Variants in GIGYF2 observed in about 807,000 individuals in gnomAD.
GIGYF2 encodes GRB10 interacting GYF protein 2.
Under a neutral mutation model 208.1 loss-of-function variants are expected in GIGYF2, and 25 were observed. That is an observed-to-expected ratio of 0.12 (90% confidence interval 0.09 to 0.17). The LOEUF (loss-of-function observed/expected upper bound fraction) is 0.17, where lower values mean the gene tolerates loss of function less well. Among genes scored for constraint, GIGYF2 ranks in the 10% least tolerant of loss-of-function variants. The probability of loss-of-function intolerance (pLI) is 1.00; values close to 1 mark genes in which losing one functional copy is unlikely to be tolerated. For synonymous variants in GIGYF2, 534 were observed against 543.8 expected (o/e 0.98, Z 0.25); for missense variants, 1,302 against 1,579.4 (o/e 0.82, Z 2.98).
intron 2 of GIGYF2, among the ~76,000 whole-genome samples, chr2:232,707,130 G>A (rs1366349048): frequency 6.6e-6 from 1 of 152,090 alleles, no homozygotes; most frequent in Non-Finnish European, 1.5e-5. Flanking sequence ...AGGAGAAGGA[G>A]AAATGTTTAT....
At chr2:232,802,881 C>G (rs1404433192) in intron 14 of GIGYF2, among the ~76,000 whole-genome samples, 1 of 149,340 alleles carries the variant, frequency 6.7e-6, no homozygotes, top group Non-Finnish European at 1.5e-5. Flanking sequence ...CAGGGCAGGG[C>G]TTTCCTTTGT....
At chr2:232,700,967 G>A (rs147542665) in intron 1 of GIGYF2, among the ~76,000 whole-genome samples, 25 of 152,092 alleles carry the variant, frequency 1.6e-4, no homozygotes, top group Middle Eastern at 3.4e-3. Context: ...CTTATAGTTA[G>A]CATTGCAGTG....
chr2:232,800,608 C>T (rs1305533316), intron 14 of GIGYF2, among the ~76,000 whole-genome samples: 5 of 149,194 alleles, frequency 3.4e-5, no homozygotes, highest in East Asian at 2.0e-4. Flanking sequence ...TTTTTAAGAC[C>T]GGGTCTTGCT....
At chr2:232,836,281 TA>T (rs1701596914) in intron 22 of GIGYF2, among the ~76,000 whole-genome samples, 1 of 6,650 alleles carries the variant, frequency 1.5e-4, no homozygotes, top group South Asian at 1.8e-3. Flanking sequence ...TATATATATA[TA>T]TATATATATA....
chr2:232,756,981 T>A (rs928479422), intron 6 of GIGYF2, among the ~76,000 whole-genome samples: 1 of 152,230 alleles, frequency 6.6e-6, no homozygotes, highest in East Asian at 1.9e-4. Context: ...TGCTTAATCA[T>A]GTAGCTCTTA....
intron 2 of GIGYF2, among the ~76,000 whole-genome samples, chr2:232,719,989 C>A (rs1428886714): frequency 6.6e-6 from 1 of 152,064 alleles, no homozygotes; most frequent in Non-Finnish European, 1.5e-5. Context: ...TACATGTGCA[C>A]AACCTGCAGT....
chr2:232,746,893 G>A (rs1276708578), intron 3 of GIGYF2, among the ~76,000 whole-genome samples: 1 of 152,120 alleles, frequency 6.6e-6, no homozygotes, highest in Non-Finnish European at 1.5e-5. Context: ...AATTAAAGCT[G>A]CCTTTATAAT....
chr2:232,756,310 G>A lies in GIGYF2; in HGVS notation c.355G>A (p.Gly119Ser), dbSNP rs1698540287. The change falls in exon 6 of 29, where the codon GGT becomes AGT. Residue 119 changes from glycine (G) to serine (S), a missense_variant. By Grantham distance (56) the Gly-to-Ser change is moderately conservative. This residue lies in a region of GIGYF2 where 189 missense variants were observed against 257.7 expected (regional missense o/e 0.73). Coordinates refer to ENST00000373563, the MANE Select transcript of GIGYF2 (RefSeq NM_001103146.3). ...AGGAACAGTGGTGGGGGCTCCTAGA[G>A]GTCGAAGTTCTTCAAGAGGGCGAGG... is the stretch of plus-strand genomic sequence containing the variant. ...GGGTVVGAPR[G>S]RSSSRGRGRG... The A allele has an allele frequency of 1.9e-6, 3 of 1,570,490 alleles. No homozygotes were observed. The highest frequency in any genetic ancestry group is 2.8e-5 in the African/African-American group (2 of 71,808).
At chr2:232,769,522 A>G (rs1259172387) in intron 8 of GIGYF2, among the ~76,000 whole-genome samples, 1 of 150,914 alleles carries the variant, frequency 6.6e-6, no homozygotes, top group Non-Finnish European at 1.5e-5. Context: ...AAAAAAAAAA[A>G]AAAAAGTGAT....
chr2:232,730,742 C>CA, intron 2 of GIGYF2, among the ~76,000 whole-genome samples: 1 of 147,462 alleles, frequency 6.8e-6, no homozygotes, highest in African/African-American at 2.5e-5. Context: ...ACTAAAAATA[C>CA]AAAAAATTAG....
At position 232,791,031 on chromosome 2, in the gene GIGYF2, A is replaced by C; in HGVS notation, c.954A>C (p.Pro318=). 2 of 1,614,082 alleles carry C rather than the reference A, an allele frequency of 1.2e-6. No homozygotes were observed. Among genetic ancestry groups the C allele is most frequent in the Non-Finnish European group, 1.7e-6 (2 of 1,179,964 alleles). The part of the protein sequence containing the change: ...SLKKVQKEPI[P]EEQEMDFRPV... ...AGAAAGTACAGAAAGAGCCTATTCC[A>C]GAAGAGCAGGAGATGGACTTCCGGC... is the stretch of plus-strand genomic sequence containing the variant. Residue 318 remains proline, a synonymous_variant, in exon 11 of 29, where the codon CCA becomes CCC. Coordinates refer to ENST00000373563, the MANE Select transcript of GIGYF2 (RefSeq NM_001103146.3).
chr2:232,752,471 TA>T (rs1698370047), intron 5 of GIGYF2, among the ~76,000 whole-genome samples: 1 of 152,366 alleles, frequency 6.6e-6, no homozygotes, highest in Admixed American at 6.5e-5. Flanking sequence ...AAAAATGCAT[TA>T]CACCTGCAAT....
chr2:232,846,039 A>AT (rs1200053355), intron 26 of GIGYF2, among the ~76,000 whole-genome samples, 153 bp downstream of exon 26: 1 of 152,200 alleles, frequency 6.6e-6, no homozygotes, highest in Non-Finnish European at 1.5e-5. Context: ...CTTTAATAGT[A>AT]TTACTTGTGA....
chr2:232,769,301 C>T (rs1017000025), intron 8 of GIGYF2, among the ~76,000 whole-genome samples: 5 of 151,944 alleles, frequency 3.3e-5, no homozygotes, highest in South Asian at 2.1e-4. Context: ...GAGCCCGAGG[C>T]GGGCGGGTCA....
chr2:232,757,775 C>T (rs894005087), intron 6 of GIGYF2, among the ~76,000 whole-genome samples: 3 of 121,210 alleles, frequency 2.5e-5, no homozygotes, highest in Non-Finnish European at 3.6e-5. Context: ...CAGCACCCCC[C>T]GCCCCCCGCC....
intron 8 of GIGYF2, chr2:232,767,174 A>G (rs1699003800): frequency 6.6e-6 from 1 of 152,160 alleles, no homozygotes; most frequent in South Asian, 2.1e-4. Flanking sequence ...TATAGAAAAA[A>G]CTATTTGAAG....
chr2:232,814,564 A>ACCCCCC lies in GIGYF2; in HGVS notation c.2108-1073_2108-1072insCCCCCC, dbSNP rs1187503725. ...GGTGACAGAGTGAGACTCCACCTCA[A>ACCCCCC]ACCCCCCCCCCCCAAAAAAAAAGTA... On this transcript the variant is annotated intron_variant, in intron 18 of 28. Transcript: ENST00000373563. Among the ~76,000 whole-genome samples the ACCCCCC allele has an allele frequency of 2.8e-3, 181 of 65,138 alleles. 33 individuals are homozygous for ACCCCCC. Among genetic ancestry groups the ACCCCCC allele is most frequent in the Non-Finnish European group, 4.5e-3 (145 of 32,194 alleles). The allele number at this position is 65,138 out of a possible 152,430, so 42.7% of individuals were successfully genotyped here.
In GIGYF2 at chr2:232,787,837, CCTT is replaced by C. The variant is rs545690916; in HGVS notation, c.712+511_712+513del. ...CATAATCACAAGTTCATTCTTATGT[CCTT>C]CTAACTTTAGAAGAAGGAGAGACAA... On this transcript the variant is annotated intron_variant, in intron 9 of 28. Coordinates refer to ENST00000373563, the MANE Select transcript of GIGYF2 (RefSeq NM_001103146.3). 3.3e-5 allele frequency among the ~76,000 whole-genome samples: 5 copies of C among 152,250 alleles called. No homozygotes were observed. The South Asian group carries it at 1.0e-3, about 32-fold the overall frequency.
chr2:232,699,213 G>T lies in GIGYF2; in HGVS notation c.-110+1821G>T, dbSNP rs141763370. The stretch of plus-strand genomic sequence containing the variant: ...GTGCTGTTTCTTTAGCTATACTGGG[G>T]TAAAAGTGCTCTAGGCTAGGGAGCA... On this transcript the variant is annotated intron_variant, in intron 1 of 28. Coordinates refer to ENST00000373563, the MANE Select transcript of GIGYF2 (RefSeq NM_001103146.3). 1.6e-4 allele frequency among the ~76,000 whole-genome samples: 25 copies of T among 152,244 alleles called. No individual in the cohort carries two copies. In the East Asian group the frequency reaches 4.6e-3, roughly 28 times the overall value.
Sources: allele counts gnomAD v4.1 joint callset (sites outside exome capture counted in the v4.1 genomes callset), GRCh38; gene constraint gnomAD v4.1.1; regional missense constraint gnomAD v4.1.1; transcripts MANE v1.5; gene names NCBI Gene and HGNC (gene_info 2026-07-23, HGNC 2026-07-21).